The following TAF4 variants were observed in gnomAD, a reference collection of about 807,000 sequenced individuals.
TAF4 encodes TATA-box binding protein associated factor 4.
Under a neutral mutation model 90.3 loss-of-function variants are expected in TAF4, and 9 were observed. The observed-to-expected ratio is 0.10, with a 90% CI of 0.06 to 0.17. The LOEUF is 0.17. Among genes scored for constraint, TAF4 ranks in the 10% least tolerant of loss-of-function variants. The pLI is 1.00. For synonymous variants in TAF4, 818 were observed against 638.9 expected, an observed-to-expected ratio of 1.28 and a Z score of -4.23; for missense variants, 1,351 against 1,370.7, an observed-to-expected ratio of 0.99 and a Z score of 0.23.
intron 1 of TAF4, 37 bp downstream of exon 1, chr20:62,064,414 G>C (rs771324556): frequency 2.3e-6 from 3 of 1,283,666 alleles, no homozygotes; most frequent in South Asian, 2.6e-5. Flanking sequence ...GCGCTGCTGG[G>C]AGCCGCCCTT....
At chr20:61,976,485 T>G (rs1364444704) in intron 14 of TAF4, 150 bp from the exon 15 acceptor site, 2 of 903,022 alleles carry the variant, frequency 2.2e-6, no homozygotes, top group Non-Finnish European at 3.4e-6. Context: ...GGAGCTGGGG[T>G]GCTGTCCAGG....
chr20:62,053,347 C>T (rs1354638079), intron 1 of TAF4, among the ~76,000 whole-genome samples: 3 of 152,210 alleles, frequency 2.0e-5, no homozygotes, highest in Admixed American at 6.5e-5. Context: ...GGACCAGGAC[C>T]GCCCTCGCAC....
At chr20:62,020,800 G>C (rs1568934174) in intron 1 of TAF4, among the ~76,000 whole-genome samples, 1 of 152,220 alleles carries the variant, frequency 6.6e-6, no homozygotes, top group African/African-American at 2.4e-5. Context: ...CATTCCCCCT[G>C]AATACAGTAT....
Position 62,065,140 on chromosome 20 carries a change from G to A in TAF4, c.671C>T (p.Ala224Val). ...AVSLVNNGPA[A>V]LLPLPKPAAP... is the part of the protein sequence containing the mutation. ...GGCGGGCTTGGGCAGCGGCAGCAGC[G>A]CGGCGGGCCCGTTGTTGACCAGGCT... The change falls in exon 1 of 15, where the codon GCG (alanine) becomes GTG (valine). Residue 224 changes from alanine to valine, a missense_variant. This residue lies in a region of TAF4 where 782 missense variants were observed against 536.6 expected (regional missense o/e 1.46). Coordinates refer to ENST00000252996, the MANE Select transcript of TAF4 (RefSeq NM_003185.4). 8.4e-7 allele frequency: 1 copy of A among 1,184,022 alleles called. No homozygotes were observed. The highest frequency in any genetic ancestry group is 1.1e-6 in the Non-Finnish European group (1 of 933,990). The allele number at this position is 1,184,022 out of a possible 1,614,324, so 73.3% of individuals were successfully genotyped here.
chr20:62,030,398 C>A (rs2055898346), intron 1 of TAF4, among the ~76,000 whole-genome samples: 1 of 152,190 alleles, frequency 6.6e-6, no homozygotes, highest in African/African-American at 2.4e-5. Flanking sequence ...CGCTTTCATG[C>A]GTAGACAGAC....
At chr20:62,043,212 G>A (rs535873711) in intron 1 of TAF4, among the ~76,000 whole-genome samples, 25 of 152,168 alleles carry the variant, frequency 1.6e-4, no homozygotes, top group African/African-American at 5.3e-4. Flanking sequence ...CCAGCTATCC[G>A]GGAGCCTGAG....
At chr20:62,039,828 CACAG>C (rs971544220) in intron 1 of TAF4, among the ~76,000 whole-genome samples, 39 of 127,416 alleles carry the variant, frequency 3.1e-4, no homozygotes, top group Admixed American at 1.0e-3. Context: ...ATTTAAAACA[CACAG>C]ACAAAAGATT....
chr20:62,041,558 G>A (rs1026672287), intron 1 of TAF4, among the ~76,000 whole-genome samples: 1 of 152,080 alleles, frequency 6.6e-6, no homozygotes, highest in African/African-American at 2.4e-5. Flanking sequence ...GAACCCGGGA[G>A]GCAGAGGTTG....
At chr20:62,043,047 C>T (rs1214171400) in intron 1 of TAF4, among the ~76,000 whole-genome samples, 1 of 152,132 alleles carries the variant, frequency 6.6e-6, no homozygotes, top group Non-Finnish European at 1.5e-5. Flanking sequence ...GCTCGCTGGG[C>T]GTGGTGGCAC....
intron 14 of TAF4, among the ~76,000 whole-genome samples, chr20:61,994,949 C>G (rs184846743): frequency 3.9e-5 from 6 of 152,286 alleles, no homozygotes; most frequent in Non-Finnish European, 5.9e-5. Context: ...CTTAGCAAAG[C>G]CTAAAGCCAA....
intron 5 of TAF4, chr20:62,007,849 C>T (rs1264058294): frequency 4.2e-6 from 2 of 480,724 alleles, no homozygotes. Flanking sequence ...CTGCGGACCA[C>T]GTCTCCTCCT....
chr20:62,063,303 G>A (rs1212548670), intron 1 of TAF4, among the ~76,000 whole-genome samples: 2 of 152,176 alleles, frequency 1.3e-5, no homozygotes, highest in Non-Finnish European at 2.9e-5. Context: ...GTGACCAATA[G>A]CTCCATTCAG....
chr20:62,032,971 G>C (rs1426221786), intron 1 of TAF4, among the ~76,000 whole-genome samples: 2 of 152,194 alleles, frequency 1.3e-5, no homozygotes, highest in Non-Finnish European at 2.9e-5. Context: ...TGAGCACCGA[G>C]ACTGGCTTCT....
At chr20:62,033,263 C>T (rs369525484) in intron 1 of TAF4, among the ~76,000 whole-genome samples, 17 of 152,194 alleles carry the variant, frequency 1.1e-4, no homozygotes, top group African/African-American at 2.6e-4. Context: ...TGCCAAGATG[C>T]GTGTGTGGCA....
chr20:62,032,716 C>T (rs1324152565), intron 1 of TAF4, among the ~76,000 whole-genome samples: 1 of 152,210 alleles, frequency 6.6e-6, no homozygotes, highest in Non-Finnish European at 1.5e-5. Flanking sequence ...GTCAGTTCTC[C>T]AGAACCCAAC....
chr20:62,027,807 G>A (rs745358151), intron 1 of TAF4, among the ~76,000 whole-genome samples: 1 of 152,210 alleles, frequency 6.6e-6, no homozygotes, highest in Non-Finnish European at 1.5e-5. Context: ...ACACAACGGA[G>A]GGCACAGCAG....
At chr20:62,002,002 A>G (rs963491187) in intron 9 of TAF4, among the ~76,000 whole-genome samples, 1 of 152,206 alleles carries the variant, frequency 6.6e-6, no homozygotes, top group Non-Finnish European at 1.5e-5. Flanking sequence ...ATGGTTATCC[A>G]TGCCTGCCGA....
In TAF4 at chr20:62,065,009, CGGCGGG is replaced by C. The variant is rs1403518996; in HGVS notation, c.796_801del (p.Pro266_Ala267del). The C allele has an allele frequency of 2.7e-5, 6 of 222,308 alleles. No individual in the cohort carries two copies. In the Admixed American group the frequency reaches 4.9e-4, roughly 18 times the overall value. 13.8% of individuals were successfully genotyped at this position (222,308 alleles called of 1,614,324 possible). On this transcript the variant is annotated inframe_deletion, in exon 1 of 15. Coordinates refer to ENST00000252996, the MANE Select transcript of TAF4 (RefSeq NM_003185.4). ...GCGGGGGGTGGCGGGGGCGGGGCGG[CGGCGGG>C]GGCGGCGGGCGCGGGGGCGGCGGGG...
intron 2 of TAF4, among the ~76,000 whole-genome samples, chr20:62,013,642 CAGG>C (rs1281586613): frequency 1.3e-5 from 2 of 152,250 alleles, no homozygotes; most frequent in African/African-American, 4.8e-5. Context: ...GCTCACGTAG[CAGG>C]AGAAGGATGC....
Sources: gnomAD v4.1 joint callset for allele counts (sites outside exome capture counted in the v4.1 genomes callset) on GRCh38, gnomAD v4.1.1 for gene constraint, gnomAD v4.1.1 regional missense constraint, MANE v1.5 for transcripts, NCBI Gene and HGNC (gene_info 2026-07-23, HGNC 2026-07-21) for gene names.